The following CLDN16 variants were observed in gnomAD, a reference collection of about 807,000 sequenced individuals.
CLDN16 encodes claudin 16, also known as claudin-16.
Under a neutral mutation model 24.6 loss-of-function variants are expected in CLDN16, and 13 were observed. The observed-to-expected ratio is 0.53, with a 90% CI of 0.34 to 0.84. The LOEUF (loss-of-function observed/expected upper bound fraction) is 0.84, where lower values mean the gene tolerates loss of function less well. Among genes scored for constraint, CLDN16 ranks in the 40% least tolerant of loss-of-function variants. The probability of loss-of-function intolerance (pLI) is 0.01; values close to 1 mark genes in which losing one functional copy is unlikely to be tolerated. For synonymous variants in CLDN16, 116 were observed against 106.7 expected (o/e 1.09, Z -0.54); for missense variants, 298 against 292.7 (o/e 1.02, Z -0.13).
Position 190,337,506 on chromosome 3 carries a change from A to G in CLDN16, n.121+14845A>G, listed in dbSNP as rs114404826. On this transcript the variant is annotated intron_variant and non_coding_transcript_variant, in intron 1 of 4. Transcript: ENST00000468220. ...AGTAGTCATGGCAGCATAGATGGAGACAATATGTGGACGATAAGAATGCGT... is the reference window on the plus strand; with the variant it reads ...AGTAGTCATGGCAGCATAGATGGAGGCAATATGTGGACGATAAGAATGCGT... 2.7e-3 allele frequency among the ~76,000 whole-genome samples: 412 copies of G among 152,318 alleles called. 3 individuals carry two copies. The highest frequency in any genetic ancestry group is 9.5e-3 in the African/African-American group (397 of 41,574).
intron 1 of CLDN16, among the ~76,000 whole-genome samples, chr3:190,350,838 A>G (rs911123115): frequency 6.6e-6 from 1 of 152,276 alleles, no homozygotes; most frequent in East Asian, 1.9e-4. Context: ...AGGGTTCACT[A>G]TGATTTTGCT....
At position 190,362,773 on chromosome 3, in the gene CLDN16, T is replaced by C. The variant is rs75602494; in HGVS notation, n.122-8120T>C. Among the ~76,000 whole-genome samples the C allele has an allele frequency of 7.3e-3, 1,116 of 152,128 alleles. 17 individuals are homozygous for C. Among genetic ancestry groups the C allele is most frequent in the African/African-American group, 0.024 (1,004 of 41,536 alleles). On this transcript the variant is annotated intron_variant and non_coding_transcript_variant, in intron 1 of 4. Coordinates refer to the CLDN16 transcript ENST00000468220. ...CAGACCACAGTTGACTGCAGATAAC[T>C]GAAACCTTGAAAAGCAAAACTGTTA...
chr3:190,340,212 T>C (rs1192173882), intron 1 of CLDN16, among the ~76,000 whole-genome samples: 1 of 152,294 alleles, frequency 6.6e-6, no homozygotes. Flanking sequence ...ACATAAACAA[T>C]GGGAAGAAAC....
chr3:190,383,010 A>C (rs1209298208), intron 3 of CLDN16, among the ~76,000 whole-genome samples: 1 of 152,114 alleles, frequency 6.6e-6, no homozygotes, highest in Admixed American at 6.6e-5. Flanking sequence ...ATAGGATTTT[A>C]AATTAGAATC....
intron 3 of CLDN16, among the ~76,000 whole-genome samples, chr3:190,377,498 T>G (rs1033189142): frequency 6.6e-6 from 1 of 151,728 alleles, no homozygotes; most frequent in African/African-American, 2.4e-5. Flanking sequence ...TTGTCCCTGG[T>G]AAAACAAAAC....
intron 3 of CLDN16, among the ~76,000 whole-genome samples, chr3:190,406,196 G>C (rs1266194179): frequency 2.6e-5 from 4 of 152,174 alleles, no homozygotes; most frequent in African/African-American, 4.8e-5. Context: ...TGTATGCTCA[G>C]AACTTGGGCC....
intron 1 of CLDN16, among the ~76,000 whole-genome samples, chr3:190,359,080 C>G (rs1334431397): frequency 6.6e-6 from 1 of 152,070 alleles, no homozygotes; most frequent in Admixed American, 6.6e-5. Flanking sequence ...TTTCTTATAA[C>G]ACAGTATGAT....
At chr3:190,337,090 A>G (rs1717328291) in intron 1 of CLDN16, among the ~76,000 whole-genome samples, 1 of 152,194 alleles carries the variant, frequency 6.6e-6, no homozygotes, top group African/African-American at 2.4e-5. Flanking sequence ...TCATCTCAGT[A>G]TGTTGGTGTG....
chr3:190,297,619 AATATAATATATAAT>A, the CLDN16 span, among the ~76,000 whole-genome samples: 1 of 112,168 alleles, frequency 8.9e-6, no homozygotes, highest in Non-Finnish European at 2.0e-5. Flanking sequence ...TAATATCTAT[AATATAATATATAAT>A]ATATAATATA....
the CLDN16 span, among the ~76,000 whole-genome samples, chr3:190,315,518 G>A: frequency 3.3e-5 from 5 of 152,050 alleles, no homozygotes; most frequent in African/African-American, 4.8e-5. Context: ...AGAAAGGGGC[G>A]ACATGATTTT....
In CLDN16 at chr3:190,354,144, A is replaced by G. The variant is rs562579733; in HGVS notation, n.122-16749A>G. Among the ~76,000 whole-genome samples, 41 of 152,086 alleles carry G rather than the reference A, an allele frequency of 2.7e-4. 1 individual carries two copies. Among genetic ancestry groups the G allele is most frequent in the African/African-American group, 9.4e-4 (39 of 41,530 alleles). On this transcript the variant is annotated intron_variant and non_coding_transcript_variant, in intron 1 of 4. Transcript: ENST00000468220. Reference sequence around the variant, plus strand: ...GAATCTCTCTCTCTCTCTCTTTTATAAAGATACTGGTGACTGCATTTAGGT... The same window carrying G: ...GAATCTCTCTCTCTCTCTCTTTTATGAAGATACTGGTGACTGCATTTAGGT...
upstream of CLDN16, among the ~76,000 whole-genome samples, chr3:190,318,660 T>G (rs1010180962): frequency 3.9e-5 from 6 of 152,224 alleles, no homozygotes; most frequent in African/African-American, 9.6e-5. Context: ...GATTTTTGCT[T>G]CAACTTCCAT....
intron 3 of CLDN16, among the ~76,000 whole-genome samples, chr3:190,380,946 T>C (rs1234685592): frequency 6.6e-6 from 1 of 152,020 alleles, no homozygotes; most frequent in African/African-American, 2.4e-5. Flanking sequence ...CAGAGCTAAA[T>C]AGGACAGCAT....
rs368897999 is a variant in CLDN16 at position 190,327,980 on chromosome 3, G to A, written n.121+5319G>A. The stretch of plus-strand genomic sequence containing the variant: ...TCAAAGCAGAAATAAGTAGCAATGC[G>A]ATGAAGATCATAATTTTTTGGACAG... On this transcript the variant is annotated intron_variant and non_coding_transcript_variant, in intron 1 of 4. Transcript: ENST00000468220. Among the ~76,000 whole-genome samples, 6 of 152,078 alleles carry A rather than the reference G, an allele frequency of 3.9e-5. No homozygotes were observed. The South Asian group carries it at 6.2e-4, about 16-fold the overall frequency.
chr3:190,356,123 A>G (rs765491610), intron 1 of CLDN16, among the ~76,000 whole-genome samples: 8 of 151,792 alleles, frequency 5.3e-5, no homozygotes, highest in Non-Finnish European at 1.2e-4. Context: ...AATAAAAGTC[A>G]TCATTTTGGT....
intron 1 of CLDN16, among the ~76,000 whole-genome samples, chr3:190,351,087 C>A (rs11922773): frequency 2.0e-5 from 3 of 151,738 alleles, no homozygotes; most frequent in Non-Finnish European, 4.4e-5. Flanking sequence ...GTGGGAAATC[C>A]GGTTGTGTAA....
At position 190,409,431 on chromosome 3, in the gene CLDN16, TAAC is replaced by T. The variant is rs542487221; in HGVS notation, c.575-471_575-469del. Among the ~76,000 whole-genome samples, 348 of 151,962 alleles carry T rather than the reference TAAC, an allele frequency of 2.3e-3. 1 individual carries two copies. The highest frequency in any genetic ancestry group is 3.4e-3 in the Middle Eastern group (1 of 292). ...TACATATAATTGTAATACATTAAAA[TAAC>T]TATTATACATTTGAATATTGGACAT... is the stretch of plus-strand genomic sequence containing the variant. On this transcript the variant is annotated intron_variant, in intron 4 of 4. Transcript: ENST00000264734.
chr3:190,300,027 A>G, the CLDN16 span, among the ~76,000 whole-genome samples: 5 of 152,222 alleles, frequency 3.3e-5, no homozygotes, highest in Non-Finnish European at 7.3e-5. Context: ...GCATCTGTCT[A>G]CTACCTACCT....
chr3:190,351,804 C>T lies in CLDN16; in HGVS notation n.122-19089C>T, dbSNP rs143317503. On this transcript the variant is annotated intron_variant and non_coding_transcript_variant, in intron 1 of 4. Coordinates refer to the CLDN16 transcript ENST00000468220. The stretch of plus-strand genomic sequence containing the variant: ...CAGTCAAAAAATCACAAAAACTTAA[C>T]GTTATTTTATCTATTAGCATTCTAA... 1.7e-3 allele frequency among the ~76,000 whole-genome samples: 258 copies of T among 151,964 alleles called. 2 individuals are homozygous for T. Among genetic ancestry groups the T allele is most frequent in the African/African-American group, 4.9e-3 (204 of 41,464 alleles).
Sources: gnomAD v4.1 joint callset for allele counts (sites outside exome capture counted in the v4.1 genomes callset) on GRCh38, gnomAD v4.1.1 for gene constraint, MANE v1.5 for transcripts, NCBI Gene and HGNC (gene_info 2026-07-23, HGNC 2026-07-21) for gene names.